CD163L1: variants seen among roughly 807,000 people sequenced by gnomAD.
The protein encoded by CD163L1 is CD163 molecule like 1.
In CD163L1, 124 loss-of-function variants were observed where a neutral mutation model predicts 165.4. That is an observed-to-expected ratio of 0.75 (90% CI 0.65 to 0.87). CD163L1 has a LOEUF of 0.87. CD163L1 is among the 40% of genes least tolerant of loss of function. The pLI, the probability that CD163L1 is intolerant of heterozygous loss-of-function variation, is 0.00. For missense variants in CD163L1, 1,525 were observed against 1,799.9 expected (o/e 0.85, Z 2.76); for synonymous variants, 585 against 662.2 (o/e 0.88, Z 1.79).
chr12:7,399,538 T>A (rs910884152), intron 6 of CD163L1, among the ~76,000 whole-genome samples: 16 of 146,714 alleles, frequency 1.1e-4, no homozygotes, highest in Admixed American at 2.0e-4. Context: ...TCTCTTTCTT[T>A]CTTTCTTTCT....
At chr12:7,375,212 T>C in intron 11 of CD163L1, 69 bp downstream of exon 11, 1 of 1,514,652 alleles carries the variant, frequency 6.6e-7, no homozygotes, top group Non-Finnish European at 9.0e-7. Context: ...ATCTTTCCTT[T>C]AATCCCAACT....
intron 8 of CD163L1, among the ~76,000 whole-genome samples, chr12:7,390,261 A>G (rs1265575054): frequency 1.3e-5 from 2 of 152,024 alleles, no homozygotes; most frequent in Non-Finnish European, 2.9e-5. Flanking sequence ...AGTTAAACAG[A>G]AGGAATAAAT....
chr12:7,421,654 T>C (rs1367108637), intron 4 of CD163L1, among the ~76,000 whole-genome samples: 2 of 52,826 alleles, frequency 3.8e-5, no homozygotes, highest in Non-Finnish European at 9.2e-5. Context: ...TATACATATA[T>C]GTACATATAT....
chr12:7,332,898 AC>A, the CD163L1 span, among the ~76,000 whole-genome samples: 1 of 152,226 alleles, frequency 6.6e-6, no homozygotes, highest in Admixed American at 6.5e-5. Flanking sequence ...TAACCAGCTA[AC>A]ATCATAATGA....
intron 18 of CD163L1, among the ~76,000 whole-genome samples, chr12:7,362,228 A>C (rs1946908900): frequency 6.9e-6 from 1 of 143,986 alleles, no homozygotes; most frequent in Non-Finnish European, 1.5e-5. Flanking sequence ...TTATTTTTAT[A>C]TTATATATTA....
chr12:7,351,960 G>T (rs1363724711), downstream of CD163L1, among the ~76,000 whole-genome samples: 1 of 152,078 alleles, frequency 6.6e-6, no homozygotes. Context: ...AATGAAATAA[G>T]AATTTGTTAA....
chr12:7,421,459 A>G (rs1415288077), intron 4 of CD163L1, among the ~76,000 whole-genome samples: 1 of 91,250 alleles, frequency 1.1e-5, no homozygotes, highest in African/African-American at 5.4e-5. Flanking sequence ...ATATGTACAT[A>G]TATACATATA....
chr12:7,442,792 G>A (rs894250986), intron 1 of CD163L1, among the ~76,000 whole-genome samples: 1 of 152,126 alleles, frequency 6.6e-6, no homozygotes, highest in Non-Finnish European at 1.5e-5. Flanking sequence ...GAAACTCTGA[G>A]TGCCCATTTG....
chr12:7,371,487 G>T (rs377227689), intron 14 of CD163L1, among the ~76,000 whole-genome samples: 1 of 151,900 alleles, frequency 6.6e-6, no homozygotes, highest in African/African-American at 2.4e-5. Context: ...TAAAAAGAGC[G>T]CTAAATAAGA....
intron 8 of CD163L1, among the ~76,000 whole-genome samples, chr12:7,380,774 T>C (rs1256293717): frequency 6.6e-6 from 1 of 151,840 alleles, no homozygotes; most frequent in African/African-American, 2.4e-5. Context: ...TAAAAACCTA[T>C]GGAAATAAAA....
At chr12:7,440,684 G>A (rs1189577766) in intron 2 of CD163L1, among the ~76,000 whole-genome samples, 1 of 150,350 alleles carries the variant, frequency 6.7e-6, no homozygotes, top group Admixed American at 6.6e-5. Flanking sequence ...TGGAGTGTAG[G>A]GGCACGATCT....
At chr12:7,421,106 C>CGT (rs1252944698) in intron 4 of CD163L1, among the ~76,000 whole-genome samples, 1 of 106,592 alleles carries the variant, frequency 9.4e-6, no homozygotes, top group African/African-American at 3.5e-5. Flanking sequence ...TGTATATATA[C>CGT]ATTTGGAAGA....
In CD163L1 at chr12:7,432,453, G is replaced by C. The variant is rs1276625477; in HGVS notation, c.729C>G (p.Asp243Glu). Reference protein sequence around the residue: ...NCRHRGWGNHDCSHNEDVTLT... With the variant: ...NCRHRGWGNHECSHNEDVTLT... ...ATGTGACATCCTCATTGTGACTGCAGTCATGATTTCCCCATCCACGATGTC... is the reference window on the plus strand; with the variant it reads ...ATGTGACATCCTCATTGTGACTGCACTCATGATTTCCCCATCCACGATGTC... Residue 243 changes from aspartate to glutamate, a missense_variant, in exon 4 of 20, where the codon GAC (aspartate) becomes GAG (glutamate). Coordinates refer to ENST00000313599, the MANE Select transcript of CD163L1 (RefSeq NM_174941.6). This position sits in a 1 kb window ranked among gnomAD's most constrained non-coding sequence, Gnocchi z 4.2. 1 of 1,613,896 alleles carries C rather than the reference G, an allele frequency of 6.2e-7. No individual in the cohort carries two copies. Among genetic ancestry groups the C allele is most frequent in the Non-Finnish European group, 8.5e-7 (1 of 1,179,874 alleles).
chr12:7,349,113 C>T (rs773852433), intron 4 of CD163L1, among the ~76,000 whole-genome samples: 2 of 151,864 alleles, frequency 1.3e-5, no homozygotes, highest in African/African-American at 4.8e-5. Flanking sequence ...AATGTCTCTA[C>T]GGAAATATGT....
chr12:7,367,447 C>T, intron 17 of CD163L1, 116 bp from the exon 18 acceptor site: 1 of 545,468 alleles, frequency 1.8e-6, no homozygotes, highest in Non-Finnish European at 3.3e-6. Context: ...AATCCAATGG[C>T]TCTTTCAGCA....
At chr12:7,391,229 G>T (rs1947647487) in intron 8 of CD163L1, among the ~76,000 whole-genome samples, 1 of 152,136 alleles carries the variant, frequency 6.6e-6, no homozygotes, top group Non-Finnish European at 1.5e-5. Flanking sequence ...CAACATCGAA[G>T]ACCAAAGGTA....
chr12:7,394,977 C>T (rs996538311), intron 8 of CD163L1, among the ~76,000 whole-genome samples: 2 of 152,044 alleles, frequency 1.3e-5, no homozygotes, highest in African/African-American at 2.4e-5. Context: ...GAAATAGGAA[C>T]GTTTTTACAC....
chr12:7,432,300 A>T lies in CD163L1; in HGVS notation c.766+116T>A, dbSNP rs1272358925. On this transcript the variant is annotated intron_variant, in intron 4 of 19. Transcript: ENST00000313599. This position sits in a 1 kb window ranked among gnomAD's most constrained non-coding sequence, Gnocchi z 4.2. ...AATGGAGCAATTTCAGGGTAACAAA[A>T]ATGTGTTATAACCAGAGAAAATTCT... 11 of 772,286 alleles carry T rather than the reference A, an allele frequency of 1.4e-5. No individual in the cohort carries two copies. The highest frequency in any genetic ancestry group is 2.2e-5 in the Non-Finnish European group (11 of 490,072). The allele number at this position is 772,286 out of a possible 1,614,324, so 47.8% of individuals were successfully genotyped here.
At position 7,349,307 on chromosome 12, in the gene CD163L1, TACTC is replaced by T. The variant is rs1946692255; in HGVS notation, c.*25-2164_*25-2161del. ...GATGTGATTGACACTCTTTTGAAAT[TACTC>T]ACATTTCAAATTCTCAAATTGAGTT... On this transcript the variant is annotated intron_variant, in intron 4 of 4. Transcript: ENST00000539726. Among the ~76,000 whole-genome samples the T allele has an allele frequency of 2.0e-5, 3 of 152,222 alleles. No homozygotes were observed. In the South Asian group the frequency reaches 6.2e-4, roughly 32 times the overall value.
Sources: gnomAD v4.1 joint callset for allele counts (sites outside exome capture counted in the v4.1 genomes callset) on GRCh38, gnomAD v4.1.1 for gene constraint, Gnocchi (gnomAD v3.1) non-coding constraint, MANE v1.5 for transcripts, NCBI Gene and HGNC (gene_info 2026-07-23, HGNC 2026-07-21) for gene names.